The following ZFHX3 variants were observed in gnomAD, a reference collection of about 807,000 sequenced individuals.
ZFHX3 encodes zinc finger homeobox protein 3.
A neutral mutation model predicts 279.1 loss-of-function variants in ZFHX3; 42 were observed. The observed-to-expected ratio is 0.15, with a 90% confidence interval of 0.12 to 0.19. The LOEUF (loss-of-function observed/expected upper bound fraction) is 0.19, where lower values mean the gene tolerates loss of function less well. Among genes scored for constraint, ZFHX3 ranks in the 10% least tolerant of loss-of-function variants. ZFHX3 has a pLI of 1.00. For synonymous variants in ZFHX3, 2,293 were observed against 1,957.8 expected (o/e 1.17, Z -4.52); for missense variants, 4,981 against 4,754.0 (o/e 1.05, Z -1.40).
At chr16:73,418,328 C>G (rs564581746) in intron 3 of ZFHX3, among the ~76,000 whole-genome samples, 1 of 144,764 alleles carries the variant, frequency 6.9e-6, no homozygotes, top group African/African-American at 2.4e-5. Context: ...TTGGGGCAGC[C>G]GCCCTACAGG....
At chr16:73,787,157 T>A (rs59845183) in intron 1 of ZFHX3, among the ~76,000 whole-genome samples, 25,909 of 152,184 alleles carry the variant, frequency 0.17, 2,431 homozygotes, top group East Asian at 0.27. Context: ...CTGCCATGTT[T>A]CTGAGTTACA....
chr16:73,566,087 C>T (rs983649711), intron 2 of ZFHX3, among the ~76,000 whole-genome samples: 1 of 152,216 alleles, frequency 6.6e-6, no homozygotes, highest in African/African-American at 2.4e-5. Flanking sequence ...TAGCCTGAGG[C>T]TCCCAGAGCA....
chr16:73,265,728 C>T (rs1188319009), intron 4 of ZFHX3, among the ~76,000 whole-genome samples: 2 of 152,156 alleles, frequency 1.3e-5, no homozygotes, highest in Non-Finnish European at 2.9e-5. Context: ...TGCAGATCAC[C>T]TACATTAATA....
At chr16:73,807,751 G>A (rs985709614) in intron 1 of ZFHX3, among the ~76,000 whole-genome samples, 3 of 148,598 alleles carry the variant, frequency 2.0e-5, no homozygotes, top group Admixed American at 6.9e-5. Flanking sequence ...AATTACAGAC[G>A]TAAGCCACTG....
At chr16:73,882,434 T>A (rs970316540) in intron 1 of ZFHX3, among the ~76,000 whole-genome samples, 1 of 152,134 alleles carries the variant, frequency 6.6e-6, no homozygotes, top group Non-Finnish European at 1.5e-5. Flanking sequence ...AGTGAACTTA[T>A]ATTTAAGAAG....
rs371450484 is a variant in ZFHX3 at position 72,959,615 on chromosome 16, C to T, written c.531G>A (p.Ala177=). 48 of 1,613,994 alleles carry T rather than the reference C, an allele frequency of 3.0e-5. No individual in the cohort carries two copies. The highest frequency in any genetic ancestry group is 1.2e-4 in the South Asian group (11 of 91,084). Residue 177 remains alanine, a synonymous_variant, in exon 2 of 10, where the codon GCG becomes GCA. Transcript: ENST00000268489. The part of the protein sequence containing the change: ...PSLFLNSLPG[A]GGKQGDPSCA... ...ACGAAGGGTCCCCTTGCTTGCCCCC[C>T]GCGCCAGGGAGAGAGTTCAGGAAAA...
At chr16:73,582,158 G>T (rs2051868914) in intron 2 of ZFHX3, among the ~76,000 whole-genome samples, 1 of 151,910 alleles carries the variant, frequency 6.6e-6, no homozygotes, top group South Asian at 2.1e-4. Flanking sequence ...AGTAAATGGA[G>T]TCTCAGCTTA....
At chr16:73,756,149 A>G (rs1429521706) in intron 1 of ZFHX3, among the ~76,000 whole-genome samples, 1 of 152,230 alleles carries the variant, frequency 6.6e-6, no homozygotes, top group African/African-American at 2.4e-5. Context: ...GGAAGAAAAC[A>G]GAAGACCAGG....
At chr16:73,677,652 T>C (rs942000600) in intron 2 of ZFHX3, among the ~76,000 whole-genome samples, 1 of 151,992 alleles carries the variant, frequency 6.6e-6, no homozygotes, top group Non-Finnish European at 1.5e-5. Flanking sequence ...TCTATAAAAA[T>C]AAATTTAAAT....
intron 4 of ZFHX3, among the ~76,000 whole-genome samples, chr16:73,281,639 A>C (rs951313699): frequency 2.0e-5 from 3 of 152,230 alleles, no homozygotes; most frequent in African/African-American, 7.2e-5. Flanking sequence ...AACAAACAAC[A>C]GTCATAATAA....
intron 1 of ZFHX3, among the ~76,000 whole-genome samples, chr16:73,760,007 C>T (rs1465651822): frequency 2.0e-5 from 2 of 100,874 alleles, no homozygotes; most frequent in East Asian, 5.1e-4. Flanking sequence ...AATCCAGGAG[C>T]TGTTTTTTTT....
intron 3 of ZFHX3, among the ~76,000 whole-genome samples, chr16:73,336,790 C>G (rs1018248346): frequency 3.9e-5 from 6 of 152,146 alleles, no homozygotes; most frequent in Non-Finnish European, 7.3e-5. Context: ...CTGTTCTCTG[C>G]CGTCTTTGCA....
At chr16:73,797,094 T>C (rs758929318) in intron 1 of ZFHX3, among the ~76,000 whole-genome samples, 1 of 151,174 alleles carries the variant, frequency 6.6e-6, no homozygotes, top group African/African-American at 2.4e-5. Flanking sequence ...TCCCAAGTGC[T>C]TGGGAGGCTG....
intron 2 of ZFHX3, among the ~76,000 whole-genome samples, chr16:73,532,109 A>G (rs1039221549): frequency 2.6e-5 from 4 of 151,982 alleles, no homozygotes; most frequent in Non-Finnish European, 5.9e-5. Flanking sequence ...AAAAAAAAAA[A>G]CAAAGACAGA....
At chr16:73,759,521 A>C (rs1017508542) in intron 1 of ZFHX3, among the ~76,000 whole-genome samples, 1 of 152,204 alleles carries the variant, frequency 6.6e-6, no homozygotes, top group African/African-American at 2.4e-5. Context: ...ACAGAGAGCT[A>C]TCCCTGAAAC....
At chr16:73,874,586 T>C (rs1037964866) in intron 1 of ZFHX3, among the ~76,000 whole-genome samples, 1 of 152,228 alleles carries the variant, frequency 6.6e-6, no homozygotes, top group African/African-American at 2.4e-5. Context: ...GTTTGTTTAT[T>C]CATTATGCCT....
chr16:73,429,644 A>AT (rs2017876678), intron 3 of ZFHX3, among the ~76,000 whole-genome samples: 1 of 151,998 alleles, frequency 6.6e-6, no homozygotes, highest in South Asian at 2.1e-4. Context: ...AGACCTTCGG[A>AT]TTTTTTTAAG....
rs544626127 is a variant in ZFHX3, at chr16:73,110,346, G to A, written c.-896-16748C>T. Among the ~76,000 whole-genome samples the A allele has an allele frequency of 2.2e-4, 33 of 152,226 alleles. 1 individual carries two copies. In the South Asian group the frequency reaches 6.6e-3, roughly 31 times the overall value. On this transcript the variant is annotated intron_variant, in intron 7 of 17. Coordinates refer to the ZFHX3 transcript ENST00000641206. ...TTGCACATGAAACAGTAGTATCTGA[G>A]TATGCCCTTTCCTTGGTCCTTGGAT...
intron 1 of ZFHX3, among the ~76,000 whole-genome samples, chr16:72,982,057 A>G (rs779137677): frequency 2.0e-5 from 3 of 151,706 alleles, no homozygotes; most frequent in African/African-American, 4.8e-5. Flanking sequence ...TAATTTCTGT[A>G]TTTTTAGTAG....
Sources: allele counts gnomAD v4.1 joint callset (sites outside exome capture counted in the v4.1 genomes callset), GRCh38; gene constraint gnomAD v4.1.1; transcripts MANE v1.5; gene names NCBI Gene and HGNC (gene_info 2026-07-23, HGNC 2026-07-21).